CD33: variants seen among roughly 807,000 people sequenced by gnomAD.
CD33 encodes myeloid cell surface antigen CD33.
In CD33, 25 loss-of-function variants were observed where a neutral mutation model predicts 31.4. The ratio of observed to expected loss-of-function variants is 0.80; its 90% CI spans 0.58 to 1.11. The LOEUF is 1.11. Among genes scored for constraint, CD33 ranks in the 50% most tolerant of loss-of-function variants. The pLI is 0.00. For synonymous variants in CD33, 176 were observed against 180.6 expected (o/e 0.97, Z 0.20); for missense variants, 407 against 448.1 (o/e 0.91, Z 0.83).
At chr19:51,224,837 T>C (rs1619231), upstream of CD33, among the ~76,000 whole-genome samples, 23 of 152,136 alleles carry the variant, frequency 1.5e-4, no homozygotes, top group Admixed American at 1.1e-3. Context: ...CAGATGGCCC[T>C]GAAGGTACTG....
At position 51,225,988 on chromosome 19, in the gene CD33, C is replaced by A; in HGVS notation, c.604C>A (p.Arg202=). ...THSSVLIITP[R]PQDHGTNLTC... ...CTCCTCGGTGCTCATAATCACCCCA[C>A]GGCCCCAGGACCACGGCACCAACCT... The change falls in exon 3 of 7, where the codon CGG becomes AGG. Residue 202 remains arginine (R), a synonymous_variant. Transcript: ENST00000262262. 1 of 1,614,056 alleles carries A rather than the reference C, an allele frequency of 6.2e-7. No homozygotes were observed. Among genetic ancestry groups the A allele is most frequent in the Non-Finnish European group, 8.5e-7 (1 of 1,179,990 alleles).
chr19:51,215,950 A>G, the CD33 span, among the ~76,000 whole-genome samples: 2 of 152,038 alleles, frequency 1.3e-5, no homozygotes, highest in Admixed American at 6.6e-5. Flanking sequence ...CAGTGCCTCC[A>G]CAGTCTGAAC....
At chr19:51,223,001 C>G (rs761640509), upstream of CD33, among the ~76,000 whole-genome samples, 1 of 152,024 alleles carries the variant, frequency 6.6e-6, no homozygotes, top group Non-Finnish European at 1.5e-5. Context: ...ATTGCTTGAA[C>G]CCAGGAGTTC....
At chr19:51,218,931 G>A in the CD33 span, among the ~76,000 whole-genome samples, 1 of 152,124 alleles carries the variant, frequency 6.6e-6, no homozygotes, top group Admixed American at 6.5e-5. Flanking sequence ...CTATAGCCTT[G>A]TGGCATAATT....
At chr19:51,213,850 CTT>C in the CD33 span, among the ~76,000 whole-genome samples, 4 of 125,996 alleles carry the variant, frequency 3.2e-5, no homozygotes, top group African/African-American at 1.2e-4. Flanking sequence ...TTTTCTTTTT[CTT>C]TTTTTTTTTT....
At chr19:51,236,826 C>T (rs1428685404) in intron 6 of CD33, 2 of 152,216 alleles carry the variant, frequency 1.3e-5, no homozygotes, top group East Asian at 3.9e-4. Context: ...GCCGAGAGCC[C>T]CTCTTACTCC....
chr19:51,214,351 G>C, the CD33 span, among the ~76,000 whole-genome samples: 15 of 151,684 alleles, frequency 9.9e-5, no homozygotes, highest in South Asian at 2.1e-4. Flanking sequence ...GCACATGCCA[G>C]CATGCCCAGC....
At chr19:51,216,668 GAA>G in the CD33 span, among the ~76,000 whole-genome samples, 26 of 135,420 alleles carry the variant, frequency 1.9e-4, no homozygotes, top group African/African-American at 3.3e-4. Context: ...CTCTGTCTCA[GAA>G]AAAAAAAAAA....
the CD33 span, among the ~76,000 whole-genome samples, chr19:51,215,361 G>C: frequency 6.6e-6 from 1 of 152,096 alleles, no homozygotes; most frequent in East Asian, 1.9e-4. Context: ...TGAGGGCTAG[G>C]CCTGCTCTGT....
At chr19:51,213,861 T>C in the CD33 span, among the ~76,000 whole-genome samples, 1 of 148,806 alleles carries the variant, frequency 6.7e-6, no homozygotes, top group Non-Finnish European at 1.5e-5. Context: ...TTTTTTTTTT[T>C]TTCCTTTTTT....
At chr19:51,223,119 A>T (rs1980764766), upstream of CD33, among the ~76,000 whole-genome samples, 2 of 152,000 alleles carry the variant, frequency 1.3e-5, no homozygotes, top group South Asian at 2.1e-4. Context: ...ACTAGAGAGG[A>T]TGACGTGGGA....
rs914453054 is a variant in CD33, at chr19:51,239,969, C to A, written c.*281C>A. On this transcript the variant is annotated 3_prime_UTR_variant, in exon 7 of 7. Coordinates refer to ENST00000262262, the MANE Select transcript of CD33 (RefSeq NM_001772.4). The stretch of plus-strand genomic sequence containing the variant: ...GAAGTAGGTATAAGAAGTCCTATCT[C>A]ATAGGGATGCTGTGAGCATTAAATA... 1 of 255,102 alleles carries A rather than the reference C, an allele frequency of 3.9e-6. No homozygotes were observed. Among genetic ancestry groups the A allele is most frequent in the African/African-American group, 2.2e-5 (1 of 44,934 alleles). 15.8% of individuals were successfully genotyped at this position (255,102 alleles called of 1,614,324 possible). A position where few individuals can be genotyped will look rare whatever the true frequency, so the allele number is the denominator to read the frequency against.
the CD33 span, chr19:51,212,016 A>T: frequency 9.9e-7 from 1 of 1,006,944 alleles, no homozygotes; most frequent in Non-Finnish European, 1.5e-6. Flanking sequence ...CTGTCGAGTG[A>T]CGTTCCCCGG....
chr19:51,211,079 C>A, the CD33 span: 1 of 1,469,432 alleles, frequency 6.8e-7, no homozygotes, highest in Non-Finnish European at 9.5e-7. Flanking sequence ...TCTGCTCACA[C>A]AGGAAGCCCG....
upstream of CD33, among the ~76,000 whole-genome samples, chr19:51,222,833 C>T (rs556195413): frequency 3.3e-5 from 5 of 152,212 alleles, no homozygotes; most frequent in East Asian, 9.6e-4. Context: ...GTAAATTATA[C>T]CTAATTAAAT....
upstream of CD33, among the ~76,000 whole-genome samples, chr19:51,224,190 TGA>T (rs1980826876): frequency 2.6e-5 from 4 of 151,942 alleles, no homozygotes; most frequent in African/African-American, 7.3e-5. Flanking sequence ...GGACTGCTTC[TGA>T]GTCTCTTTGT....
At chr19:51,224,543 G>A (rs189386054), upstream of CD33, among the ~76,000 whole-genome samples, 49 of 152,270 alleles carry the variant, frequency 3.2e-4, no homozygotes, top group Non-Finnish European at 1.2e-4. Context: ...GTGTTTCTCC[G>A]AGATGACGGT....
the CD33 span, among the ~76,000 whole-genome samples, chr19:51,219,776 G>A: frequency 6.6e-6 from 1 of 152,052 alleles, no homozygotes; most frequent in African/African-American, 2.4e-5. Context: ...TTGTCTAGTG[G>A]GATGATTATA....
the CD33 span, among the ~76,000 whole-genome samples, chr19:51,216,221 C>CGTGT: frequency 0.083 from 11,731 of 140,516 alleles, 759 homozygotes; most frequent in African/African-American, 0.13. Flanking sequence ...AAATGTCACC[C>CGTGT]GAGTGTGTGT....
Sources: allele counts gnomAD v4.1 joint callset (sites outside exome capture counted in the v4.1 genomes callset), GRCh38; gene constraint gnomAD v4.1.1; transcripts MANE v1.5; gene names NCBI Gene and HGNC (gene_info 2026-07-23, HGNC 2026-07-21).